The following TAX1BP1 variants were observed in gnomAD, a reference collection of about 807,000 sequenced individuals.
TAX1BP1 encodes Tax1 binding protein 1, also known as tax1-binding protein 1.
Under a neutral mutation model 97.7 loss-of-function variants are expected in TAX1BP1, and 62 were observed. The observed-to-expected ratio is 0.63, with a 90% CI of 0.52 to 0.78. TAX1BP1 has a LOEUF of 0.78. Among genes scored for constraint, TAX1BP1 ranks in the 30% least tolerant of loss-of-function variants. The pLI is 0.00. For synonymous variants in TAX1BP1, 340 were observed against 304.2 expected, an observed-to-expected ratio of 1.12 and a Z score of -1.23; for missense variants, 867 against 916.1, an observed-to-expected ratio of 0.95 and a Z score of 0.69.
chr7:27,820,453 G>A (rs1043139869), intron 15 of TAX1BP1, among the ~76,000 whole-genome samples: 3 of 152,066 alleles, frequency 2.0e-5, no homozygotes, highest in African/African-American at 7.2e-5. Flanking sequence ...CATTTATCAT[G>A]TTGCACTGTT....
intron 15 of TAX1BP1, among the ~76,000 whole-genome samples, chr7:27,819,536 C>T (rs1790896994): frequency 6.6e-6 from 1 of 152,202 alleles, no homozygotes; most frequent in African/African-American, 2.4e-5. Context: ...AAAGTTGAAT[C>T]TGTGAGCGAT....
In TAX1BP1 at chr7:27,792,280, A is replaced by G. The variant is rs1044483383; in HGVS notation, c.1263+50A>G. ...GCATTTTGATTTAAGAAACCACTAT[A>G]ATCTCACAAAGTAGTAAATTGTGTT... is the stretch of plus-strand genomic sequence containing the variant. On this transcript the variant is annotated intron_variant, in intron 9 of 16. Coordinates refer to ENST00000396319, the MANE Select transcript of TAX1BP1 (RefSeq NM_006024.7). 3 of 1,474,008 alleles carry G rather than the reference A, an allele frequency of 2.0e-6. No homozygotes were observed. In the African/African-American group the frequency reaches 4.2e-5, roughly 21 times the overall value. The allele number at this position is 1,474,008 out of a possible 1,614,324, so 91.3% of individuals were successfully genotyped here.
intron 13 of TAX1BP1, among the ~76,000 whole-genome samples, chr7:27,816,098 A>G (rs1351332860): frequency 6.6e-6 from 1 of 152,222 alleles, no homozygotes; most frequent in Non-Finnish European, 1.5e-5. Context: ...CTCAATGAGA[A>G]TGATGTACTT....
rs74855858 is a variant in TAX1BP1, at chr7:27,807,014, A to G, written c.1764+6924A>G. Among the ~76,000 whole-genome samples the G allele has an allele frequency of 3.0e-4, 45 of 152,254 alleles. 1 individual carries two copies. The East Asian group carries it at 8.1e-3, about 27-fold the overall frequency. ...TAAGTATTTTTGTTTTTCCTCTTGA[A>G]AATGGGATTTTCTCTTTCATTGTAT... On this transcript the variant is annotated intron_variant, in intron 13 of 16. Coordinates refer to ENST00000396319, the MANE Select transcript of TAX1BP1 (RefSeq NM_006024.7).
At chr7:27,769,572 G>A (rs1388020659) in intron 4 of TAX1BP1, 104 bp from the exon 5 acceptor site, 3 of 940,962 alleles carry the variant, frequency 3.2e-6, no homozygotes, top group East Asian at 2.7e-5. Flanking sequence ...AGTTCTTTCT[G>A]TGAATGTCTT....
intron 3 of TAX1BP1, among the ~76,000 whole-genome samples, chr7:27,760,315 C>A (rs1788375396): frequency 6.6e-6 from 1 of 151,850 alleles, no homozygotes; most frequent in Non-Finnish European, 1.5e-5. Context: ...ACTTTGTTAG[C>A]ATGCAAATAC....
chr7:27,827,644 C>A, intron 15 of TAX1BP1, 94 bp from the exon 16 acceptor site: 2 of 959,930 alleles, frequency 2.1e-6, no homozygotes, highest in Non-Finnish European at 3.1e-6. Context: ...GAAGTGTAAT[C>A]TTCTTTTATA....
Position 27,745,728 on chromosome 7 carries a change from C to A in TAX1BP1, c.-7-2790C>A, listed in dbSNP as rs536263789. On this transcript the variant is annotated intron_variant, in intron 1 of 16. Transcript: ENST00000396319. ...GTTTTCTATTAGAAAATGTGAAATTCAGGGGAGGGTTTAAAAATGGAATTT... is the reference window on the plus strand; with the variant it reads ...GTTTTCTATTAGAAAATGTGAAATTAAGGGGAGGGTTTAAAAATGGAATTT... Among the ~76,000 whole-genome samples the A allele has an allele frequency of 5.3e-5, 8 of 151,974 alleles. No homozygotes were observed. The East Asian group carries it at 1.5e-3, about 29-fold the overall frequency.
At chr7:27,785,011 T>C in intron 5 of TAX1BP1, 152 bp from the exon 6 acceptor site, 1 of 663,670 alleles carries the variant, frequency 1.5e-6, no homozygotes, top group East Asian at 3.1e-5. Context: ...TATGTTATCA[T>C]TTCAAGTTTT....
intron 8 of TAX1BP1, among the ~76,000 whole-genome samples, chr7:27,788,936 A>G (rs1789594469): frequency 6.6e-6 from 1 of 151,998 alleles, no homozygotes; most frequent in South Asian, 2.1e-4. Flanking sequence ...TTATATTGAT[A>G]GCTCCAATTC....
In TAX1BP1 at chr7:27,765,457, C is replaced by A. The variant is rs536175838; in HGVS notation, c.266-377C>A. ...ATGTCAAATTGGAGGGAAGATTTCT[C>A]TAAATGACATATTCCCACCCCCACT... On this transcript the variant is annotated intron_variant, in intron 3 of 16. Coordinates refer to ENST00000396319, the MANE Select transcript of TAX1BP1 (RefSeq NM_006024.7). Among the ~76,000 whole-genome samples, 47 of 152,310 alleles carry A rather than the reference C, an allele frequency of 3.1e-4. 1 individual carries two copies. Among genetic ancestry groups the A allele is most frequent in the Middle Eastern group, 3.4e-3 (1 of 294 alleles).
At chr7:27,769,905 G>GA in intron 5 of TAX1BP1, 71 bp downstream of exon 5, 1 of 1,470,348 alleles carries the variant, frequency 6.8e-7, no homozygotes, top group African/African-American at 1.4e-5. Context: ...TTAAAGAGCT[G>GA]AACCAATTAA....
chr7:27,804,582 C>G (rs753783193), intron 13 of TAX1BP1, among the ~76,000 whole-genome samples: 1 of 152,236 alleles, frequency 6.6e-6, no homozygotes, highest in Non-Finnish European at 1.5e-5. Context: ...GGTCCTCAGG[C>G]TACTGATAGC....
At chr7:27,813,305 G>T (rs1790632424) in intron 13 of TAX1BP1, among the ~76,000 whole-genome samples, 1 of 151,290 alleles carries the variant, frequency 6.6e-6, no homozygotes, top group South Asian at 2.1e-4. Flanking sequence ...CTACAGGCAT[G>T]TGCCACTGTA....
In TAX1BP1 at chr7:27,824,410, C is replaced by T. The variant is rs189893924; in HGVS notation, c.2086-3328C>T. Among the ~76,000 whole-genome samples the T allele has an allele frequency of 5.3e-5, 8 of 151,442 alleles. No homozygotes were observed. In the East Asian group the frequency reaches 9.8e-4, roughly 19 times the overall value. ...AGATCCTGTCTCTTAAAAAAAATAC[C>T]GAGTGTGGTGGTACACGCCGGTAGT... On this transcript the variant is annotated intron_variant, in intron 15 of 16. Transcript: ENST00000396319.
At chr7:27,825,456 C>T (rs1267776101) in intron 15 of TAX1BP1, among the ~76,000 whole-genome samples, 1 of 152,146 alleles carries the variant, frequency 6.6e-6, no homozygotes, top group East Asian at 1.9e-4. Context: ...ACTGCATACT[C>T]TCTGATTTCA....
intron 13 of TAX1BP1, among the ~76,000 whole-genome samples, chr7:27,813,494 A>G (rs538893816): frequency 2.6e-5 from 4 of 152,078 alleles, no homozygotes; most frequent in Admixed American, 6.5e-5. Flanking sequence ...AGTTGGGACT[A>G]TAGGCACATG....
intron 2 of TAX1BP1, among the ~76,000 whole-genome samples, chr7:27,752,286 G>A (rs1788047312): frequency 2.0e-5 from 3 of 152,310 alleles, no homozygotes; most frequent in Middle Eastern, 6.8e-3. Flanking sequence ...CAGTAAGGAG[G>A]AGCAAGGTCA....
chr7:27,771,672 A>T (rs967094838), intron 5 of TAX1BP1, among the ~76,000 whole-genome samples: 26 of 152,038 alleles, frequency 1.7e-4, no homozygotes, highest in African/African-American at 6.3e-4. Flanking sequence ...CTTGGTGCTC[A>T]GAAGAGGTCT....
Sources: gnomAD v4.1 joint callset for allele counts (sites outside exome capture counted in the v4.1 genomes callset) on GRCh38, gnomAD v4.1.1 for gene constraint, MANE v1.5 for transcripts, NCBI Gene and HGNC (gene_info 2026-07-23, HGNC 2026-07-21) for gene names.